ANKRD24: variants seen among roughly 807,000 people sequenced by gnomAD.
ANKRD24 encodes the protein ankyrin repeat domain 24, also known as ankyrin repeat domain-containing protein 24.
Under a neutral mutation model 127.8 loss-of-function variants are expected in ANKRD24, and 109 were observed. That is an observed-to-expected ratio of 0.85 (90% CI 0.73 to 1.00). ANKRD24 has a LOEUF of 1.00. Among genes scored for constraint, ANKRD24 ranks in the 50% least tolerant of loss-of-function variants. The pLI is 0.00. For synonymous variants in ANKRD24, 743 were observed against 671.1 expected (o/e 1.11, Z -1.66); for missense variants, 1,648 against 1,570.2 (o/e 1.05, Z -0.84).
rs1384860989 is a variant in ANKRD24 at position 4,182,710 on chromosome 19, G to C, written c.-67G>C. ...CGCCGCAGGCGACATGTTATCTGCTGTCAGAAGGAAGCCTGCCTCTTTGCA... is the reference window on the plus strand; with the variant it reads ...CGCCGCAGGCGACATGTTATCTGCTCTCAGAAGGAAGCCTGCCTCTTTGCA... On this transcript the variant is annotated 5_prime_UTR_variant, in exon 1 of 22. Transcript: ENST00000318934. 5.0e-6 allele frequency: 7 copies of C among 1,409,256 alleles called. No individual in the cohort carries two copies. Among genetic ancestry groups the C allele is most frequent in the Non-Finnish European group, 6.5e-6 (7 of 1,079,922 alleles). The allele number at this position is 1,409,256 out of a possible 1,614,324, so 87.3% of individuals were successfully genotyped here. A position where few individuals can be genotyped will look rare whatever the true frequency, so the allele number is the denominator to read the frequency against.
chr19:4,200,088 A>C lies in ANKRD24; in HGVS notation c.260A>C (p.His87Pro). The change falls in exon 5 of 22, where the codon CAC becomes CCC. Residue 87 changes from histidine (H) to proline (P), a missense_variant. Physicochemically the swap from His to Pro is moderately conservative, Grantham distance 77. Transcript: ENST00000318934. ...KLDPEGKSAF[H>P]LAAMRGAASC... ...CCCTTGTCTCTCACCTCCAGGTTCC[A>C]CCTGGCGGCCATGCGGGGTGCGGCC... is the stretch of plus-strand genomic sequence containing the variant. 6.3e-7 allele frequency: 1 copy of C among 1,591,020 alleles called. No individual in the cohort carries two copies. The highest frequency in any genetic ancestry group is 8.6e-7 in the Non-Finnish European group (1 of 1,168,566).
intron 2 of ANKRD24, among the ~76,000 whole-genome samples, chr19:4,192,934 AAAAT>A (rs956661203): frequency 3.9e-5 from 6 of 151,924 alleles, no homozygotes; most frequent in Middle Eastern, 3.2e-3. Context: ...ACCCTGTCCC[AAAAT>A]AAATAAATAA....
At chr19:4,184,213 G>T (rs529648003) in intron 1 of ANKRD24, among the ~76,000 whole-genome samples, 102 of 152,344 alleles carry the variant, frequency 6.7e-4, no homozygotes, top group African/African-American at 1.1e-3. Flanking sequence ...TCAGAGTGGA[G>T]CGGCTGGAGC....
intron 18 of ANKRD24, among the ~76,000 whole-genome samples, chr19:4,218,753 CTTT>C (rs556461670): frequency 3.6e-5 from 4 of 110,204 alleles, no homozygotes; most frequent in African/African-American, 3.7e-5. Flanking sequence ...CCCTTCCTTT[CTTT>C]TTTTTTTTTT....
intron 2 of ANKRD24, among the ~76,000 whole-genome samples, chr19:4,188,556 A>G (rs1054465007): frequency 6.6e-6 from 1 of 150,428 alleles, no homozygotes; most frequent in African/African-American, 2.5e-5. Flanking sequence ...GCTAATTTTT[A>G]TTTTTTGTAC....
chr19:4,192,775 A>T, intron 2 of ANKRD24, among the ~76,000 whole-genome samples: 1 of 149,752 alleles, frequency 6.7e-6, no homozygotes, highest in Non-Finnish European at 1.5e-5. Flanking sequence ...TTCAAAAAAA[A>T]TTCAAAAATT....
chr19:4,210,280 T>A lies in ANKRD24; in HGVS notation c.967T>A (p.Tyr323Asn). Residue 323 changes from tyrosine to asparagine, a missense_variant, in exon 13 of 22, where the codon TAT (tyrosine) becomes AAT (asparagine). Transcript: ENST00000318934. ...SIPMPDDRDA[Y>N]EEIVRLRQER... Reference sequence around the variant, plus strand: ...AGGGGAACAGGATGATCGAGATGCCTATGAGGAGATCGTGAGGCTGCGGCA... The same window carrying A: ...AGGGGAACAGGATGATCGAGATGCCAATGAGGAGATCGTGAGGCTGCGGCA... 6.3e-7 allele frequency: 1 copy of A among 1,587,028 alleles called. No homozygotes were observed. Among genetic ancestry groups the A allele is most frequent in the East Asian group, 2.3e-5 (1 of 43,706 alleles).
chr19:4,204,706 G>A (rs964062123), intron 7 of ANKRD24, among the ~76,000 whole-genome samples: 3 of 152,172 alleles, frequency 2.0e-5, no homozygotes, highest in Non-Finnish European at 4.4e-5. Flanking sequence ...CTGTTCTTTC[G>A]GAAACTCAGA....
At chr19:4,215,956 G>A in intron 15 of ANKRD24, 22 bp from the exon 16 acceptor site, 4 of 1,566,178 alleles carry the variant, frequency 2.6e-6, no homozygotes, top group Non-Finnish European at 3.5e-6. Context: ...ACCCCGAGCT[G>A]GACTCTGCTC....
At chr19:4,207,079 T>G in intron 7 of ANKRD24, 163 bp from the exon 8 acceptor site, 5 of 599,730 alleles carry the variant, frequency 8.3e-6, no homozygotes, top group Middle Eastern at 4.4e-4. Flanking sequence ...ACCCAGATAA[T>G]GTTTGCTTTT....
At chr19:4,192,334 TTCTG>T (rs563055677) in intron 2 of ANKRD24, among the ~76,000 whole-genome samples, 269 of 152,060 alleles carry the variant, frequency 1.8e-3, no homozygotes, top group African/African-American at 5.6e-3. Context: ...CTCTTTCTCT[TTCTG>T]TCTTTTTTCT....
At chr19:4,215,602 G>GA (rs35812357) in intron 15 of ANKRD24, among the ~76,000 whole-genome samples, 32,018 of 135,420 alleles carry the variant, frequency 0.24, 4,309 homozygotes, top group East Asian at 0.31. Context: ...CCGCATCTCT[G>GA]AAAAAAAAAA....
intron 13 of ANKRD24, among the ~76,000 whole-genome samples, chr19:4,210,813 A>ATT (rs113946972): frequency 1.7e-4 from 22 of 126,816 alleles, no homozygotes; most frequent in African/African-American, 3.4e-4. Context: ...AGTTCACTTT[A>ATT]TTTTTTTTTT....
In ANKRD24 at chr19:4,199,512, C is replaced by T. The variant is rs1340296960; in HGVS notation, c.37-171C>T. On this transcript the variant is annotated intron_variant, in intron 2 of 21. Coordinates refer to ENST00000318934, the MANE Select transcript of ANKRD24 (RefSeq NM_001393985.1). This position sits in a 1 kb window ranked among gnomAD's most constrained non-coding sequence, Gnocchi z 5.2. Reference sequence around the variant, plus strand: ...CAGGCGTGAGCCTCCATGCTCAGCCCAGGGGACAACGTTTTGGAAATAGAT... The same window carrying T: ...CAGGCGTGAGCCTCCATGCTCAGCCTAGGGGACAACGTTTTGGAAATAGAT... 1 of 985,284 alleles carries T rather than the reference C, an allele frequency of 1.0e-6. No individual in the cohort carries two copies. Among genetic ancestry groups the T allele is most frequent in the Non-Finnish European group, 1.2e-6 (1 of 829,928 alleles). The allele number at this position is 985,284 out of a possible 1,614,324, so 61.0% of individuals were successfully genotyped here. A position where few individuals can be genotyped will look rare whatever the true frequency, so the allele number is the denominator to read the frequency against.
In ANKRD24 at chr19:4,215,984, C is replaced by T. The variant is rs377087098; in HGVS notation, c.1204C>T (p.Arg402Trp). Residue 402 changes from arginine (R) to tryptophan (W), a missense_variant, in exon 16 of 22, where the codon CGG becomes TGG. Physicochemically the swap from Arg to Trp is moderately radical, Grantham distance 101 (BLOSUM62 -3). Transcript: ENST00000318934. Reference protein sequence around the residue: ...QSRLSLLENERENTSYDVTTL... With the variant: ...QSRLSLLENEWENTSYDVTTL... ...CTCTGCTCCCTCCCCCCAGAACGAG[C>T]GGGAGAATACTAGCTATGACGTAAC... 3.8e-5 allele frequency: 61 copies of T among 1,591,306 alleles called. No individual in the cohort carries two copies. The South Asian group carries it at 5.3e-4, about 14-fold the overall frequency.
In ANKRD24 at chr19:4,198,616, A is replaced by G; in HGVS notation, c.37-1067A>G. ...CCTTCCCCGTCCCCGGCTGACCTGG[A>G]CCACCCCCCCATTCCAGACCCGGGA... On this transcript the variant is annotated intron_variant, in intron 2 of 21. Transcript: ENST00000318934. This position sits in a 1 kb window ranked among gnomAD's most constrained non-coding sequence, Gnocchi z 6.1. The G allele has an allele frequency of 2.4e-6, 1 of 417,966 alleles. No homozygotes were observed. Among genetic ancestry groups the G allele is most frequent in the South Asian group, 6.1e-5 (1 of 16,416 alleles). 25.9% of individuals were successfully genotyped at this position (417,966 alleles called of 1,614,324 possible). A position where few individuals can be genotyped will look rare whatever the true frequency, so the allele number is the denominator to read the frequency against.
Position 4,208,744 on chromosome 19 carries a change from C to T in ANKRD24, c.833-20C>T. 6.2e-7 allele frequency: 1 copy of T among 1,610,924 alleles called. No individual in the cohort carries two copies. ...GGGCCTGGGAACAGAATGCCTGACC[C>T]TGCTTCCCTCTCTCCCCAGCCCTCA... On this transcript the variant is annotated intron_variant, in intron 10 of 21. Transcript: ENST00000318934.
In ANKRD24 at chr19:4,195,164, C is replaced by A. The variant is rs1367264572; in HGVS notation, c.37-4519C>A. On this transcript the variant is annotated intron_variant, in intron 2 of 21. Coordinates refer to ENST00000318934, the MANE Select transcript of ANKRD24 (RefSeq NM_001393985.1). This position sits in a 1 kb window ranked among gnomAD's most constrained non-coding sequence, Gnocchi z 4.2. ...TTCTGCTCACTGCAAGCTCCGCCTC[C>A]CGGGTGCACGCCATTCTCCTGCCTC... Among the ~76,000 whole-genome samples, 3 of 151,420 alleles carry A rather than the reference C, an allele frequency of 2.0e-5. No homozygotes were observed. The highest frequency in any genetic ancestry group is 4.4e-5 in the Non-Finnish European group (3 of 67,606).
At chr19:4,212,442 G>T (rs1483421912) in intron 13 of ANKRD24, 33 bp from the exon 14 acceptor site, 1 of 1,572,106 alleles carries the variant, frequency 6.4e-7, no homozygotes, top group African/African-American at 1.4e-5. Flanking sequence ...CTCTTGCCCA[G>T]ATCCAAACCC....
Sources: gnomAD v4.1 joint callset for allele counts (sites outside exome capture counted in the v4.1 genomes callset) on GRCh38, gnomAD v4.1.1 for gene constraint, Gnocchi (gnomAD v3.1) non-coding constraint, MANE v1.5 for transcripts, NCBI Gene and HGNC (gene_info 2026-07-23, HGNC 2026-07-21) for gene names.